HINFP: variants seen among roughly 807,000 people sequenced by gnomAD.
HINFP encodes histone H4 transcription factor.
HINFP carries 20 observed loss-of-function variants against 50.1 expected under a neutral mutation model. That is an observed-to-expected ratio of 0.40 (90% CI 0.28 to 0.58). HINFP has a LOEUF of 0.58. HINFP is among the 20% of genes least tolerant of loss of function. The pLI is 0.45. For missense variants in HINFP, 505 were observed against 664.1 expected, an observed-to-expected ratio of 0.76 and a Z score of 2.63; for synonymous variants, 247 against 243.7, an observed-to-expected ratio of 1.01 and a Z score of -0.13.
chr11:119,123,541 CT>C (rs1947204500), intron 1 of HINFP, among the ~76,000 whole-genome samples: 1 of 125,380 alleles, frequency 8.0e-6, no homozygotes, highest in Admixed American at 9.3e-5. Flanking sequence ...TTCAATATTT[CT>C]TTCTTCTTTT....
chr11:119,132,775 A>G lies in HINFP; in HGVS notation c.869A>G (p.Asp290Gly), dbSNP rs200770412. 7.4e-6 allele frequency: 12 copies of G among 1,613,588 alleles called. No individual in the cohort carries two copies. In the East Asian group the frequency reaches 1.3e-4, roughly 18 times the overall value. ...CGGCCCTTTAAATGTGACTGTTGTG[A>G]CTACAGGTAAGGGGGACCAGGGACC... ...EDRPFKCDCCDYSCKNLIDLQ... is the reference protein window; with the variant it reads ...EDRPFKCDCCGYSCKNLIDLQ... The change falls in exon 7 of 10, where the codon GAC becomes GGC. Residue 290 changes from aspartate (D) to glycine (G), a missense_variant. Coordinates refer to ENST00000350777, the MANE Select transcript of HINFP (RefSeq NM_198971.3).
At chr11:119,133,043 G>A in intron 8 of HINFP, 41 bp downstream of exon 8, 1 of 1,614,162 alleles carries the variant, frequency 6.2e-7, no homozygotes, top group South Asian at 1.1e-5. Flanking sequence ...TGGAAGTATG[G>A]GGGACCCTGG....
At position 119,131,771 on chromosome 11, in the gene HINFP, C is replaced by T; in HGVS notation, c.524-59C>T. 1 of 1,609,762 alleles carries T rather than the reference C, an allele frequency of 6.2e-7. No homozygotes were observed. Among genetic ancestry groups the T allele is most frequent in the Non-Finnish European group, 8.5e-7 (1 of 1,177,266 alleles). On this transcript the variant is annotated intron_variant, in intron 4 of 9. Coordinates refer to ENST00000350777, the MANE Select transcript of HINFP (RefSeq NM_198971.3). This position sits in a 1 kb window ranked among gnomAD's most constrained non-coding sequence, Gnocchi z 4.2. Reference sequence around the variant, plus strand: ...TGCCGGCTGGAGAGACTCAGGGGTACCAGATCCTAGGCAAAACTGGGGTTT... The same window carrying T: ...TGCCGGCTGGAGAGACTCAGGGGTATCAGATCCTAGGCAAAACTGGGGTTT...
chr11:119,124,092 T>A (rs2135016795), intron 1 of HINFP: 1 of 152,230 alleles, frequency 6.6e-6, no homozygotes, highest in African/African-American at 2.4e-5. Context: ...AGTGCTAAGA[T>A]CGTGAGCCAC....
rs773345381 is a variant in HINFP, at chr11:119,132,706, C to G, written c.800C>G (p.Pro267Arg). ...CTGTGTGACATGACCTGCCCGCTGC[C>G]TTCCTCCCTCCGCAACCACATGCGC... is the stretch of plus-strand genomic sequence containing the variant. ...CPLCDMTCPL[P>R]SSLRNHMRFR... is the part of the protein sequence containing the mutation. The change falls in exon 7 of 10, where the codon CCT becomes CGT. Residue 267 changes from proline (P) to arginine (R), a missense_variant. By Grantham distance (103) the Pro-to-Arg change is moderately radical. Coordinates refer to ENST00000350777, the MANE Select transcript of HINFP (RefSeq NM_198971.3). 6.2e-7 allele frequency: 1 copy of G among 1,614,042 alleles called. No individual in the cohort carries two copies. The highest frequency in any genetic ancestry group is 1.1e-5 in the South Asian group (1 of 91,086).
In HINFP at chr11:119,131,448, T is replaced by C. The variant is rs1158929286; in HGVS notation, c.412-87T>C. The C allele has an allele frequency of 3.3e-6, 3 of 919,640 alleles. No individual in the cohort carries two copies. In the African/African-American group the frequency reaches 4.9e-5, roughly 15 times the overall value. The allele number at this position is 919,640 out of a possible 1,614,324, so 57.0% of individuals were successfully genotyped here. On this transcript the variant is annotated intron_variant, in intron 3 of 9. Transcript: ENST00000350777. This position sits in a 1 kb window ranked among gnomAD's most constrained non-coding sequence, Gnocchi z 4.2. ...ATTTCCCATCCCCATCAAGTTAATTTGGGAGAGAGCCAAGAATTCTTCGGG... is the reference window on the plus strand; with the variant it reads ...ATTTCCCATCCCCATCAAGTTAATTCGGGAGAGAGCCAAGAATTCTTCGGG...
At chr11:119,133,404 C>T in intron 9 of HINFP, 185 bp downstream of exon 9, 2 of 622,562 alleles carry the variant, frequency 3.2e-6, no homozygotes, top group Non-Finnish European at 5.5e-6. Context: ...CATGGTGAAA[C>T]CCCGTCTCTA....
At position 119,133,346 on chromosome 11, in the gene HINFP, C is replaced by T. The variant is rs1947887462; in HGVS notation, c.1139+127C>T. 5.1e-6 allele frequency: 6 copies of T among 1,186,694 alleles called. No individual in the cohort carries two copies. In the Middle Eastern group the frequency reaches 6.3e-4, roughly 124 times the overall value. 73.5% of individuals were successfully genotyped at this position (1,186,694 alleles called of 1,614,324 possible). ...CTGTAATCCCAGCACTTTGGGAGGCCAAGGTGGGCGGATCATGAGGTCAGG... is the reference window on the plus strand; with the variant it reads ...CTGTAATCCCAGCACTTTGGGAGGCTAAGGTGGGCGGATCATGAGGTCAGG... On this transcript the variant is annotated intron_variant, in intron 9 of 9. Coordinates refer to ENST00000350777, the MANE Select transcript of HINFP (RefSeq NM_198971.3).
rs999778414 is a variant in HINFP, at chr11:119,135,111, C to G, written c.*613C>G. 1.3e-5 allele frequency: 2 copies of G among 152,688 alleles called. No homozygotes were observed. The highest frequency in any genetic ancestry group is 4.8e-5 in the African/African-American group (2 of 41,444). The allele number at this position is 152,688 out of a possible 1,614,324, so 9.5% of individuals were successfully genotyped here. ...ACTAGGTAATGAGGAGATACAGCCA[C>G]CCAGAAGAGGAGCTGAATAGTTAGG... On this transcript the variant is annotated 3_prime_UTR_variant, in exon 10 of 10. Coordinates refer to ENST00000350777, the MANE Select transcript of HINFP (RefSeq NM_198971.3).
chr11:119,126,731 GT>G, intron 1 of HINFP: 1 of 524,432 alleles, frequency 1.9e-6, no homozygotes, highest in Non-Finnish European at 3.4e-6. Flanking sequence ...AATAGTGTTA[GT>G]TTTTGTTTTC....
At chr11:119,124,464 A>G (rs561466585) in intron 1 of HINFP, 3 of 152,154 alleles carry the variant, frequency 2.0e-5, no homozygotes, top group Non-Finnish European at 4.4e-5. Context: ...AAGGCCGGCT[A>G]GTGTCCTCTC....
In HINFP at chr11:119,134,884, T is replaced by A. The variant is rs1226781723; in HGVS notation, c.*386T>A. On this transcript the variant is annotated 3_prime_UTR_variant, in exon 10 of 10. Transcript: ENST00000350777. The surrounding 1 kb of genome is among the most constrained non-coding windows in gnomAD (Gnocchi z 4.3). The stretch of plus-strand genomic sequence containing the variant: ...GGCATGTGACTGGTCCCTGCAAGGG[T>A]CCTTTCTTTGTCACCAGCCAAGGCA... 1 of 168,640 alleles carries A rather than the reference T, an allele frequency of 5.9e-6. No homozygotes were observed. Among genetic ancestry groups the A allele is most frequent in the African/African-American group, 2.4e-5 (1 of 41,972 alleles). 10.4% of individuals were successfully genotyped at this position (168,640 alleles called of 1,614,324 possible).
At chr11:119,127,480 T>G (rs537477413) in intron 2 of HINFP, 390 of 157,756 alleles carry the variant, frequency 2.5e-3, no homozygotes, top group Non-Finnish European at 4.3e-3. Flanking sequence ...TGTGTTTTTT[T>G]TTTTTTTTTT....
Position 119,123,128 on chromosome 11 carries a change from CAAA to C in HINFP, c.-11+1510_-11+1512del, listed in dbSNP as rs1174844499. Among the ~76,000 whole-genome samples, 114 of 76,812 alleles carry C rather than the reference CAAA, an allele frequency of 1.5e-3. 1 individual carries two copies. The South Asian group carries it at 0.025, about 17-fold the overall frequency. The allele number at this position is 76,812 out of a possible 152,430, so 50.4% of individuals were successfully genotyped here. A position where few individuals can be genotyped will look rare whatever the true frequency, so the allele number is the denominator to read the frequency against. On this transcript the variant is annotated intron_variant, in intron 1 of 9. Coordinates refer to ENST00000350777, the MANE Select transcript of HINFP (RefSeq NM_198971.3). ...GGGCGACAGAGCAAGACTCCATCTC[CAAA>C]AAAAAAAAAAAAAAAAAAAAGAACT...
At chr11:119,128,543 G>A (rs73562869) in intron 2 of HINFP, among the ~76,000 whole-genome samples, 107 of 150,258 alleles carry the variant, frequency 7.1e-4, no homozygotes, top group African/African-American at 2.5e-3. Flanking sequence ...GGCCAGCCTG[G>A]TCTTGAACTC....
rs1019707906 is a variant in HINFP at position 119,131,544 on chromosome 11, G to A, written c.421G>A (p.Asp141Asn). 20 of 1,613,682 alleles carry A rather than the reference G, an allele frequency of 1.2e-5. No individual in the cohort carries two copies. The highest frequency in any genetic ancestry group is 1.6e-5 in the Non-Finnish European group (19 of 1,179,740). ...GTTGCCCCTGGCACAGAATTCCTTC[G>A]ACAATCCTGAGTGGTTTTATCGGCA... The part of the protein sequence containing the change: ...CLWEHCENSF[D>N]NPEWFYRHVE... The change falls in exon 4 of 10, where the codon GAC becomes AAC. Residue 141 changes from aspartate to asparagine, a missense_variant. Asp to Asn is a conservative substitution (Grantham distance 23). Coordinates refer to ENST00000350777, the MANE Select transcript of HINFP (RefSeq NM_198971.3). This position sits in a 1 kb window ranked among gnomAD's most constrained non-coding sequence, Gnocchi z 4.2.
At chr11:119,127,918 C>T (rs1173493324) in intron 2 of HINFP, among the ~76,000 whole-genome samples, 2 of 147,956 alleles carry the variant, frequency 1.4e-5, no homozygotes, top group Admixed American at 6.8e-5. Context: ...TGCAATGGTT[C>T]GATCTCGGCT....
chr11:119,132,274 C>G, intron 5 of HINFP: 2 of 622,748 alleles, frequency 3.2e-6, no homozygotes, highest in South Asian at 4.0e-5. Flanking sequence ...GAGGTTAAAT[C>G]ACTTACCTGA....
intron 1 of HINFP, chr11:119,125,723 A>G (rs1392515954): frequency 6.6e-6 from 1 of 152,236 alleles, no homozygotes; most frequent in Non-Finnish European, 1.5e-5. Context: ...CTAGCAGTGT[A>G]TAGACACCCA....
Sources: gnomAD v4.1 joint callset for allele counts (sites outside exome capture counted in the v4.1 genomes callset) on GRCh38, gnomAD v4.1.1 for gene constraint, Gnocchi (gnomAD v3.1) non-coding constraint, MANE v1.5 for transcripts, NCBI Gene and HGNC (gene_info 2026-07-23, HGNC 2026-07-21) for gene names.